The following CSNK2A2 variants were observed in gnomAD, a reference collection of about 807,000 sequenced individuals.
The protein encoded by CSNK2A2 is casein kinase 2 alpha 2, also known as casein kinase II subunit alpha'.
CSNK2A2 carries 8 observed loss-of-function variants against 54.0 expected under a neutral mutation model. The observed-to-expected ratio is 0.15, with a 90% CI of 0.09 to 0.27. The LOEUF (loss-of-function observed/expected upper bound fraction) is 0.27. Ranked by LOEUF, CSNK2A2 falls within the 10% of genes least tolerant of loss-of-function variation. The pLI is 1.00. For missense variants in CSNK2A2, 242 were observed against 439.4 expected (o/e 0.55, Z 4.02); for synonymous variants, 141 against 153.9 (o/e 0.92, Z 0.62).
At chr16:58,195,485 A>C (rs1962419545) in intron 2 of CSNK2A2, among the ~76,000 whole-genome samples, 1 of 150,552 alleles carries the variant, frequency 6.6e-6, no homozygotes, top group Non-Finnish European at 1.5e-5. Context: ...CAGCTTTTCT[A>C]TACCACAGCT....
At chr16:58,177,857 T>C (rs2142429030) in intron 4 of CSNK2A2, among the ~76,000 whole-genome samples, 1 of 152,336 alleles carries the variant, frequency 6.6e-6, no homozygotes, top group African/African-American at 2.4e-5. Flanking sequence ...TGTTTACATG[T>C]AACCTCTAAG....
chr16:58,158,316 T>G lies in CSNK2A2; in HGVS notation c.*55A>C, dbSNP rs1398260154. 1 of 152,712 alleles carries G rather than the reference T, an allele frequency of 6.5e-6. No homozygotes were observed. Among genetic ancestry groups the G allele is most frequent in the East Asian group, 1.9e-4 (1 of 5,198 alleles). The allele number at this position is 152,712 out of a possible 1,614,324, so 9.5% of individuals were successfully genotyped here. The stretch of plus-strand genomic sequence containing the variant: ...GCGTTAAGACGTTTGATTTGGTTCT[T>G]GTTCTGCTTATGGAAAAGTGGGAGA... On this transcript the variant is annotated 3_prime_UTR_variant, in exon 12 of 12. Coordinates refer to ENST00000262506, the MANE Select transcript of CSNK2A2 (RefSeq NM_001896.4).
chr16:58,190,282 A>ACC (rs1962294627), intron 2 of CSNK2A2, among the ~76,000 whole-genome samples: 2 of 152,314 alleles, frequency 1.3e-5, no homozygotes, highest in East Asian at 3.9e-4. Context: ...GAACAACTGA[A>ACC]CTGACAAATT....
Position 58,197,959 on chromosome 16 carries a change from C to A in CSNK2A2, c.-223G>T, listed in dbSNP as rs1433504957. The A allele has an allele frequency of 7.3e-6, 1 of 136,498 alleles. No individual in the cohort carries two copies. Among genetic ancestry groups the A allele is most frequent in the Admixed American group, 7.2e-5 (1 of 13,910 alleles). 8.5% of individuals were successfully genotyped at this position (136,498 alleles called of 1,614,324 possible). On this transcript the variant is annotated 5_prime_UTR_variant, in exon 1 of 12. Coordinates refer to ENST00000262506, the MANE Select transcript of CSNK2A2 (RefSeq NM_001896.4). This position sits in a 1 kb window ranked among gnomAD's most constrained non-coding sequence, Gnocchi z 4.0. ...GCCGGCCCGGCCCTGGAGCGGCCGG[C>A]GGGGCGGCGGGGCGGGCGGCGCTCG...
chr16:58,171,979 A>ATATATATATATATATATATATATATATT (rs1261137669), intron 5 of CSNK2A2, among the ~76,000 whole-genome samples: 1 of 66,186 alleles, frequency 1.5e-5, no homozygotes, highest in Non-Finnish European at 2.5e-5. Flanking sequence ...ATATATATAT[A>ATATATATATATATATATATATATATATT]TTTTTTTTTT....
chr16:58,168,546 G>C, intron 6 of CSNK2A2, 64 bp downstream of exon 6: 2 of 1,394,650 alleles, frequency 1.4e-6, no homozygotes, highest in Non-Finnish European at 2.0e-6. Flanking sequence ...CATGGCACTG[G>C]ACAGCTTTTT....
chr16:58,166,028 G>C (rs1478896037), intron 9 of CSNK2A2, among the ~76,000 whole-genome samples: 1 of 152,172 alleles, frequency 6.6e-6, no homozygotes, highest in Non-Finnish European at 1.5e-5. Flanking sequence ...ATTTTTATTG[G>C]TCAGCAGATA....
At chr16:58,189,080 C>A (rs1386178031) in intron 2 of CSNK2A2, among the ~76,000 whole-genome samples, 2 of 151,852 alleles carry the variant, frequency 1.3e-5, no homozygotes, top group Non-Finnish European at 2.9e-5. Flanking sequence ...CCTCAGCCTC[C>A]CAAGTAACTG....
intron 11 of CSNK2A2, chr16:58,163,076 G>C (rs1466295699): frequency 6.6e-6 from 1 of 151,838 alleles, no homozygotes; most frequent in Non-Finnish European, 1.5e-5. Context: ...TTTTCCATAA[G>C]TCTTTCCTGA....
At chr16:58,188,236 AGC>A (rs1962240926) in intron 2 of CSNK2A2, among the ~76,000 whole-genome samples, 1 of 152,234 alleles carries the variant, frequency 6.6e-6, no homozygotes, top group Non-Finnish European at 1.5e-5. Context: ...CTTGTGAGCC[AGC>A]TGCCATGATG....
intron 7 of CSNK2A2, among the ~76,000 whole-genome samples, 168 bp from the exon 8 acceptor site, chr16:58,167,476 T>G (rs1246881326): frequency 6.6e-6 from 1 of 152,218 alleles, no homozygotes; most frequent in Non-Finnish European, 1.5e-5. Context: ...GATCTGAATT[T>G]CTAGTCTTCA....
chr16:58,195,759 G>A (rs888032498), intron 2 of CSNK2A2, among the ~76,000 whole-genome samples: 34 of 152,168 alleles, frequency 2.2e-4, no homozygotes, highest in African/African-American at 7.7e-4. Flanking sequence ...CTTCATCAAA[G>A]AGATAACGTC....
chr16:58,197,195 A>G lies in CSNK2A2; in HGVS notation c.105-351T>C. Reference sequence around the variant, plus strand: ...CTCGTTTCACATCTTCAAGGTAGACAATGCCTGTTTTAAAAATCTGGACGT... The same window carrying G: ...CTCGTTTCACATCTTCAAGGTAGACGATGCCTGTTTTAAAAATCTGGACGT... On this transcript the variant is annotated intron_variant, in intron 1 of 11. Coordinates refer to ENST00000262506, the MANE Select transcript of CSNK2A2 (RefSeq NM_001896.4). This position sits in a 1 kb window ranked among gnomAD's most constrained non-coding sequence, Gnocchi z 4.0. The G allele has an allele frequency of 3.4e-6, 1 of 297,352 alleles. No individual in the cohort carries two copies. The allele number at this position is 297,352 out of a possible 1,614,324, so 18.4% of individuals were successfully genotyped here. A position where few individuals can be genotyped will look rare whatever the true frequency, so the allele number is the denominator to read the frequency against.
chr16:58,186,849 T>C lies in CSNK2A2; in HGVS notation c.224A>G (p.Lys75Arg). The C allele has an allele frequency of 1.2e-6, 2 of 1,613,058 alleles. No individual in the cohort carries two copies. The highest frequency in any genetic ancestry group is 1.7e-6 in the Non-Finnish European group (2 of 1,179,104). Residue 75 changes from lysine to arginine, a missense_variant, in exon 3 of 12, where the codon AAG becomes AGG. Lys to Arg is a conservative substitution (Grantham distance 26, BLOSUM62 2). Around this residue, in one of 5 missense-constraint regions of CSNK2A2, gnomAD observed 69 missense variants for 97.0 expected, o/e 0.71. Coordinates refer to ENST00000262506, the MANE Select transcript of CSNK2A2 (RefSeq NM_001896.4). ...RVVVKILKPV[K>R]KKKIKREVKI... The stretch of plus-strand genomic sequence containing the variant: ...AACCTCTCGTTTTATCTTCTTTTTC[T>C]TCACTGGCTTAAATACACAAGAGTA...
At chr16:58,192,966 A>C (rs1468312937) in intron 2 of CSNK2A2, 2 of 152,072 alleles carry the variant, frequency 1.3e-5, no homozygotes, top group Non-Finnish European at 2.9e-5. Flanking sequence ...GGTTAACTAC[A>C]CTCTTAATCT....
intron 2 of CSNK2A2, among the ~76,000 whole-genome samples, chr16:58,189,437 C>A (rs1221483127): frequency 3.3e-5 from 5 of 152,182 alleles, no homozygotes; most frequent in African/African-American, 1.2e-4. Context: ...AAACCCTCTT[C>A]TAATTCTAAC....
intron 4 of CSNK2A2, among the ~76,000 whole-genome samples, chr16:58,181,355 T>C (rs1962036016): frequency 6.6e-6 from 1 of 152,184 alleles, no homozygotes; most frequent in Admixed American, 6.5e-5. Context: ...GAGTTTAAGA[T>C]GCCACACTGA....
At chr16:58,160,802 A>T (rs1961321327) in intron 11 of CSNK2A2, 1 of 152,192 alleles carries the variant, frequency 6.6e-6, no homozygotes, top group Non-Finnish European at 1.5e-5. Flanking sequence ...CACTCTCTTC[A>T]AGTCCCCAAG....
At chr16:58,195,960 A>G (rs1384988843) in intron 2 of CSNK2A2, among the ~76,000 whole-genome samples, 2 of 152,248 alleles carry the variant, frequency 1.3e-5, no homozygotes, top group African/African-American at 4.8e-5. Flanking sequence ...TTTACTGCCA[A>G]AGGAAAAAAA....
Sources: allele counts gnomAD v4.1 joint callset (sites outside exome capture counted in the v4.1 genomes callset), GRCh38; gene constraint gnomAD v4.1.1; regional missense constraint gnomAD v4.1.1; non-coding constraint Gnocchi (gnomAD v3.1); transcripts MANE v1.5; gene names NCBI Gene and HGNC (gene_info 2026-07-23, HGNC 2026-07-21).